Variants in ADAMTSL3 observed in about 807,000 individuals in gnomAD.
ADAMTSL3 encodes the protein ADAMTS like 3.
In ADAMTSL3, 128 loss-of-function variants were observed where a neutral mutation model predicts 201.7. The ratio of observed to expected loss-of-function variants is 0.63; its 90% CI spans 0.55 to 0.73. The LOEUF is 0.73. Ranked by LOEUF, ADAMTSL3 falls within the 30% of genes least tolerant of loss-of-function variation. ADAMTSL3 has a pLI of 0.00. For missense variants in ADAMTSL3, 1,990 were observed against 2,119.6 expected, an observed-to-expected ratio of 0.94 and a Z score of 1.20; for synonymous variants, 738 against 748.4, an observed-to-expected ratio of 0.99 and a Z score of 0.23.
intron 10 of ADAMTSL3, among the ~76,000 whole-genome samples, chr15:83,888,050 A>G (rs1469560415): frequency 6.6e-6 from 1 of 152,182 alleles, no homozygotes; most frequent in Non-Finnish European, 1.5e-5. Context: ...AATTCTTGGG[A>G]AGCAAATAGG....
Position 83,682,541 on chromosome 15 carries a change from C to T in ADAMTSL3, c.70-21848C>T, listed in dbSNP as rs147249297. Among the ~76,000 whole-genome samples the T allele has an allele frequency of 4.6e-5, 7 of 152,328 alleles. No individual in the cohort carries two copies. In the East Asian group the frequency reaches 5.8e-4, roughly 13 times the overall value. ...TCCAGAAGAGCCTACCAATGTCACT[C>T]GTCCTTGCTGTTGGCACAAATGGCT... On this transcript the variant is annotated intron_variant, in intron 2 of 29. Transcript: ENST00000286744.
At position 83,771,821 on chromosome 15, in the gene ADAMTSL3, A is replaced by G. The variant is rs1197445494; in HGVS notation, c.190-1702A>G. On this transcript the variant is annotated intron_variant, in intron 3 of 29. Transcript: ENST00000286744. ...GATTGCTGGATCATATAGTAATTCT[A>G]TAGTAATTCTATCTTCCTTCACAAT... Among the ~76,000 whole-genome samples, 4 of 151,702 alleles carry G rather than the reference A, an allele frequency of 2.6e-5. No homozygotes were observed. The East Asian group carries it at 5.8e-4, about 22-fold the overall frequency.
chr15:83,763,794 C>T (rs1213324384), intron 3 of ADAMTSL3, among the ~76,000 whole-genome samples: 5 of 152,204 alleles, frequency 3.3e-5, no homozygotes, highest in East Asian at 1.9e-4. Flanking sequence ...CGTGAGCCAC[C>T]GCACCCGGCC....
rs2068562464 is a variant in ADAMTSL3 at position 84,039,213 on chromosome 15, A to G, written c.*1407A>G. The G allele has an allele frequency of 6.6e-6, 1 of 152,608 alleles. No homozygotes were observed. Among genetic ancestry groups the G allele is most frequent in the Non-Finnish European group, 1.5e-5 (1 of 68,050 alleles). 9.5% of individuals were successfully genotyped at this position (152,608 alleles called of 1,614,324 possible). A position where few individuals can be genotyped will look rare whatever the true frequency, so the allele number is the denominator to read the frequency against. The stretch of plus-strand genomic sequence containing the variant: ...AGCTGCCTGTACACCTGCTGCCTAC[A>G]TCTTCTTGGCAACAAAGTTACCTGC... On this transcript the variant is annotated 3_prime_UTR_variant, in exon 30 of 30. Coordinates refer to ENST00000286744, the MANE Select transcript of ADAMTSL3 (RefSeq NM_207517.3).
chr15:83,854,248 T>C (rs1262016491), intron 7 of ADAMTSL3, among the ~76,000 whole-genome samples: 1 of 152,178 alleles, frequency 6.6e-6, no homozygotes, highest in East Asian at 1.9e-4. Flanking sequence ...CACTTATTTT[T>C]TCATGGTATC....
chr15:83,922,742 A>G (rs1052503207), intron 16 of ADAMTSL3, among the ~76,000 whole-genome samples: 1 of 152,218 alleles, frequency 6.6e-6, no homozygotes, highest in Admixed American at 6.5e-5. Context: ...AACATCACAA[A>G]TATATATTTT....
At chr15:83,692,883 G>C (rs190080303) in intron 2 of ADAMTSL3, among the ~76,000 whole-genome samples, 186 of 152,110 alleles carry the variant, frequency 1.2e-3, no homozygotes, top group Non-Finnish European at 2.0e-3. Context: ...CTCTTGGAAG[G>C]CTGCATTTTG....
intron 6 of ADAMTSL3, among the ~76,000 whole-genome samples, chr15:83,836,038 AAT>A (rs2064262647): frequency 6.6e-6 from 1 of 152,252 alleles, no homozygotes; most frequent in African/African-American, 2.4e-5. Flanking sequence ...TAAATGAAAT[AAT>A]GTGTACAATA....
chr15:83,823,972 T>TCTTCTCCTCCTC (rs1567170062), intron 6 of ADAMTSL3, among the ~76,000 whole-genome samples: 6 of 71,214 alleles, frequency 8.4e-5, no homozygotes, highest in East Asian at 3.9e-4. Flanking sequence ...TTCTTCTTCT[T>TCTTCTCCTCCTC]CTCCTCCTCC....
chr15:83,993,600 C>G (rs1015693219), intron 23 of ADAMTSL3, among the ~76,000 whole-genome samples: 1 of 152,056 alleles, frequency 6.6e-6, no homozygotes, highest in African/African-American at 2.4e-5. Flanking sequence ...TTTTGTCAAC[C>G]CATGTGGTAT....
chr15:83,738,618 G>A (rs1372321839), intron 3 of ADAMTSL3, among the ~76,000 whole-genome samples: 1 of 152,144 alleles, frequency 6.6e-6, no homozygotes, highest in South Asian at 2.1e-4. Context: ...AAGAGGCCAG[G>A]CATGGTGGCT....
At position 83,899,718 on chromosome 15, in the gene ADAMTSL3, A is replaced by C; in HGVS notation, c.1687A>C (p.Thr563Pro). 1 of 1,611,550 alleles carries C rather than the reference A, an allele frequency of 6.2e-7. No homozygotes were observed. The highest frequency in any genetic ancestry group is 8.5e-7 in the Non-Finnish European group (1 of 1,178,388). The stretch of plus-strand genomic sequence containing the variant: ...AGAACTAGAAGAGACCAGAATAGCA[A>C]CAGAAGAACCAACGTGAGTCCAGGA... ...AQELEETRIATEEPTFIPEPW... is the reference protein window; with the variant it reads ...AQELEETRIAPEEPTFIPEPW... The change falls in exon 15 of 30, where the codon ACA (threonine) becomes CCA (proline). Residue 563 changes from threonine (T) to proline (P), a missense_variant. Coordinates refer to ENST00000286744, the MANE Select transcript of ADAMTSL3 (RefSeq NM_207517.3).
chr15:83,928,098 C>T (rs901754758), intron 17 of ADAMTSL3, among the ~76,000 whole-genome samples: 2 of 151,996 alleles, frequency 1.3e-5, no homozygotes, highest in Admixed American at 6.6e-5. Flanking sequence ...GCCTCAGCCT[C>T]CCAAGTTGCT....
intron 2 of ADAMTSL3, among the ~76,000 whole-genome samples, chr15:83,687,631 C>T (rs2061555989): frequency 4.6e-5 from 7 of 152,164 alleles, no homozygotes; most frequent in Admixed American, 4.6e-4. Context: ...TAGCCTACAG[C>T]TTCCCCCTCC....
chr15:83,924,159 G>C, intron 17 of ADAMTSL3, 126 bp downstream of exon 17: 2 of 1,249,020 alleles, frequency 1.6e-6, no homozygotes, highest in Non-Finnish European at 2.2e-6. Flanking sequence ...CTGCTTCAGA[G>C]CTCTCTTTGC....
chr15:84,011,232 AATT>A (rs2141885606), intron 23 of ADAMTSL3, among the ~76,000 whole-genome samples: 1 of 152,370 alleles, frequency 6.6e-6, no homozygotes, highest in African/African-American at 2.4e-5. Flanking sequence ...AAAATAAGCA[AATT>A]AAATGTTAAA....
At chr15:83,676,405 G>A (rs1470264114) in intron 2 of ADAMTSL3, among the ~76,000 whole-genome samples, 3 of 152,144 alleles carry the variant, frequency 2.0e-5, no homozygotes, top group Non-Finnish European at 2.9e-5. Flanking sequence ...TTGGCCAGGC[G>A]TGGTGGCTGA....
At chr15:84,009,815 C>T (rs893683685) in intron 23 of ADAMTSL3, among the ~76,000 whole-genome samples, 27 of 150,602 alleles carry the variant, frequency 1.8e-4, no homozygotes, top group African/African-American at 6.1e-4. Flanking sequence ...TTCCCTCTGC[C>T]GGAAATGCTC....
chr15:83,712,088 A>G (rs1019666), intron 3 of ADAMTSL3, among the ~76,000 whole-genome samples: 41,871 of 152,014 alleles, frequency 0.28, 6,004 homozygotes, highest in South Asian at 0.55. Flanking sequence ...CCCTACTCAC[A>G]TATCCTCACA....
Sources: allele counts gnomAD v4.1 joint callset (sites outside exome capture counted in the v4.1 genomes callset), GRCh38; gene constraint gnomAD v4.1.1; transcripts MANE v1.5; gene names NCBI Gene and HGNC (gene_info 2026-07-23, HGNC 2026-07-21).